Variants in GTF2F2 observed in about 807,000 individuals in gnomAD.
GTF2F2 encodes the protein general transcription factor IIF subunit 2, also known as ATP-dependent helicase GTF2F2.
GTF2F2 carries 23 observed loss-of-function variants against 42.2 expected under a neutral mutation model. That is an observed-to-expected ratio of 0.55 (90% CI 0.39 to 0.77). The LOEUF (loss-of-function observed/expected upper bound fraction) is 0.77. Ranked by LOEUF, GTF2F2 falls within the 30% of genes least tolerant of loss-of-function variation. GTF2F2 has a pLI of 0.00. For missense variants in GTF2F2, 261 were observed against 287.2 expected, an observed-to-expected ratio of 0.91 and a Z score of 0.66; for synonymous variants, 105 against 100.8, an observed-to-expected ratio of 1.04 and a Z score of -0.25.
chr13:45,282,227 T>A lies in GTF2F2; in HGVS notation c.631-1215T>A, dbSNP rs571681357. Among the ~76,000 whole-genome samples, 12 of 151,676 alleles carry A rather than the reference T, an allele frequency of 7.9e-5. No individual in the cohort carries two copies. The South Asian group carries it at 2.5e-3, about 32-fold the overall frequency. On this transcript the variant is annotated intron_variant, in intron 7 of 7. Coordinates refer to ENST00000340473, the MANE Select transcript of GTF2F2 (RefSeq NM_004128.3). ...ATAATAATGATAATAATAATTAATATTATTATCTTTCCTTTCTTCTCCAAG... is the reference window on the plus strand; with the variant it reads ...ATAATAATGATAATAATAATTAATAATATTATCTTTCCTTTCTTCTCCAAG...
intron 7 of GTF2F2, among the ~76,000 whole-genome samples, chr13:45,273,163 T>C (rs1876875141): frequency 6.6e-6 from 1 of 151,710 alleles, no homozygotes; most frequent in Admixed American, 6.6e-5. Context: ...CCTGACCTCA[T>C]GATCCACCCG....
intron 4 of GTF2F2, among the ~76,000 whole-genome samples, chr13:45,156,455 C>A (rs903171775): frequency 2.0e-5 from 3 of 152,118 alleles, no homozygotes; most frequent in Non-Finnish European, 4.4e-5. Context: ...TCATAGCTAT[C>A]TAAAAGTTCA....
rs11429504 is a variant in GTF2F2, at chr13:45,123,634, G to GAA, written c.66+2925_66+2926dup. Among the ~76,000 whole-genome samples, 1,140 of 129,052 alleles carry GAA rather than the reference G, an allele frequency of 8.8e-3. 17 individuals are homozygous for GAA. The highest frequency in any genetic ancestry group is 0.028 in the African/African-American group (1,042 of 37,722). The allele number at this position is 129,052 out of a possible 152,430, so 84.7% of individuals were successfully genotyped here. A position where few individuals can be genotyped will look rare whatever the true frequency, so the allele number is the denominator to read the frequency against. On this transcript the variant is annotated intron_variant, in intron 1 of 7. Transcript: ENST00000340473. ...TACAGAGTGAAACCCTATCTAAAAAGAAAAAAAAAAAAACAACCAAAACCT... is the reference window on the plus strand; with the variant it reads ...TACAGAGTGAAACCCTATCTAAAAAGAAAAAAAAAAAAAAACAACCAAAACCT...
At chr13:45,280,457 T>C (rs1272546589) in intron 7 of GTF2F2, among the ~76,000 whole-genome samples, 3 of 152,188 alleles carry the variant, frequency 2.0e-5, no homozygotes, top group Non-Finnish European at 4.4e-5. Context: ...AGCTAATTTA[T>C]TTGATTAGAG....
chr13:45,155,706 A>C (rs1870723373), intron 4 of GTF2F2, among the ~76,000 whole-genome samples: 1 of 152,080 alleles, frequency 6.6e-6, no homozygotes, highest in Non-Finnish European at 1.5e-5. Flanking sequence ...TTTATGGGCT[A>C]TTTTGGGTTA....
chr13:45,245,802 G>A (rs1256721892), intron 5 of GTF2F2, among the ~76,000 whole-genome samples: 7 of 146,348 alleles, frequency 4.8e-5, no homozygotes, highest in Non-Finnish European at 7.5e-5. Context: ...TTAGCCGGGC[G>A]TGGTGGCAGG....
At chr13:45,200,107 G>A (rs546451325) in intron 4 of GTF2F2, among the ~76,000 whole-genome samples, 25 of 152,022 alleles carry the variant, frequency 1.6e-4, no homozygotes, top group Middle Eastern at 3.4e-3. Flanking sequence ...TTGGTGGCAC[G>A]TAAAATAATG....
chr13:45,158,612 A>G (rs1329378583), intron 4 of GTF2F2, among the ~76,000 whole-genome samples: 1 of 152,162 alleles, frequency 6.6e-6, no homozygotes, highest in Non-Finnish European at 1.5e-5. Flanking sequence ...TTTGTCTTCT[A>G]TAGTCATAAT....
intron 5 of GTF2F2, among the ~76,000 whole-genome samples, chr13:45,248,427 GT>G (rs1338382114): frequency 6.6e-6 from 1 of 151,530 alleles, no homozygotes; most frequent in Admixed American, 6.6e-5. Flanking sequence ...GTTTTGTTTT[GT>G]TTTTTGTTTT....
intron 5 of GTF2F2, among the ~76,000 whole-genome samples, chr13:45,249,379 T>A (rs2325172): frequency 0.033 from 5,030 of 151,224 alleles, 237 homozygotes; most frequent in African/African-American, 0.1. Flanking sequence ...AGTTTATTTT[T>A]AAAAAAAAAA....
At chr13:45,209,750 A>C (rs975529108) in intron 5 of GTF2F2, among the ~76,000 whole-genome samples, 2 of 152,176 alleles carry the variant, frequency 1.3e-5, no homozygotes, top group Non-Finnish European at 2.9e-5. Flanking sequence ...TCAAATATGT[A>C]AAAAACTGAA....
At chr13:45,179,032 G>A (rs1872020953) in intron 4 of GTF2F2, among the ~76,000 whole-genome samples, 1 of 152,144 alleles carries the variant, frequency 6.6e-6, no homozygotes, top group Admixed American at 6.5e-5. Context: ...TCTTTACATG[G>A]TGGCTGTTTT....
chr13:45,217,643 G>A (rs1873949127), intron 5 of GTF2F2, among the ~76,000 whole-genome samples: 1 of 152,122 alleles, frequency 6.6e-6, no homozygotes, highest in African/African-American at 2.4e-5. Context: ...AGTTAGCTTT[G>A]TTTAAAATTC....
At chr13:45,238,471 G>A (rs1875109787) in intron 5 of GTF2F2, among the ~76,000 whole-genome samples, 1 of 152,100 alleles carries the variant, frequency 6.6e-6, no homozygotes, top group Non-Finnish European at 1.5e-5. Flanking sequence ...AACAGGAAAA[G>A]CATTAGCAGT....
intron 5 of GTF2F2, among the ~76,000 whole-genome samples, chr13:45,224,741 CTA>C (rs1443929378): frequency 6.6e-6 from 1 of 152,168 alleles, no homozygotes. Flanking sequence ...TAAATGAACT[CTA>C]TTAAGCTGTT....
intron 4 of GTF2F2, chr13:45,194,367 G>A (rs749741665): frequency 1.2e-6 from 2 of 1,614,044 alleles, no homozygotes; most frequent in African/African-American, 2.7e-5. Flanking sequence ...ACGGGCAGAG[G>A]ATTTTTCCAT....
chr13:45,124,413 G>A (rs12856364), intron 1 of GTF2F2, among the ~76,000 whole-genome samples: 2 of 150,248 alleles, frequency 1.3e-5, no homozygotes, highest in Non-Finnish European at 3.0e-5. Context: ...AATTATTTTT[G>A]CGGCCAGGCA....
intron 5 of GTF2F2, among the ~76,000 whole-genome samples, chr13:45,243,516 A>T (rs1875428016): frequency 6.6e-6 from 1 of 152,258 alleles, no homozygotes; most frequent in Non-Finnish European, 1.5e-5. Flanking sequence ...CCACAAAACC[A>T]GTCCCTGGTG....
chr13:45,145,969 G>A (rs192944488), intron 2 of GTF2F2, among the ~76,000 whole-genome samples: 8 of 152,128 alleles, frequency 5.3e-5, no homozygotes, highest in Admixed American at 4.6e-4. Flanking sequence ...GCTCTCACCC[G>A]CCAGGCTCTG....
Sources: gnomAD v4.1 joint callset for allele counts (sites outside exome capture counted in the v4.1 genomes callset) on GRCh38, gnomAD v4.1.1 for gene constraint, MANE v1.5 for transcripts, NCBI Gene and HGNC (gene_info 2026-07-23, HGNC 2026-07-21) for gene names.